RNLS: variants seen among roughly 807,000 people sequenced by gnomAD.
RNLS encodes the protein renalase, FAD dependent amine oxidase, also known as renalase.
Under a neutral mutation model 39.8 loss-of-function variants are expected in RNLS, and 39 were observed. The observed-to-expected ratio is 0.98, with a 90% CI of 0.76 to 1.28. RNLS has a LOEUF of 1.28. Among genes scored for constraint, RNLS ranks in the 50% most tolerant of loss-of-function variants. The pLI is 0.00. For missense variants in RNLS, 410 were observed against 413.3 expected (o/e 0.99, Z 0.07); for synonymous variants, 147 against 150.7 (o/e 0.98, Z 0.18).
At chr10:88,364,925 T>C (rs963342075) in intron 4 of RNLS, among the ~76,000 whole-genome samples, 1 of 152,126 alleles carries the variant, frequency 6.6e-6, no homozygotes, top group African/African-American at 2.4e-5. Flanking sequence ...AAAACAAAAC[T>C]GTGTAGTTAG....
intron 5 of RNLS, among the ~76,000 whole-genome samples, chr10:88,317,918 C>G (rs888687751): frequency 2.0e-5 from 3 of 152,226 alleles, no homozygotes; most frequent in African/African-American, 7.2e-5. Flanking sequence ...GCTCCCTTCA[C>G]CCCTGCAACA....
the RNLS span, among the ~76,000 whole-genome samples, chr10:88,203,787 TTA>T: frequency 4.0e-5 from 6 of 151,364 alleles, no homozygotes; most frequent in Non-Finnish European, 5.9e-5. Context: ...AATATTATAA[TTA>T]TATTAACTGT....
In RNLS at chr10:88,582,338, T is replaced by C. The variant is rs993036613; in HGVS notation, c.119-31A>G. 5 of 1,553,028 alleles carry C rather than the reference T, an allele frequency of 3.2e-6. No homozygotes were observed. The African/African-American group carries it at 5.4e-5, about 17-fold the overall frequency. ...ATTAATCCACAGGAAAATGTCTTAC[T>C]GCATGACAATGAGCCTTAGCAATTA... On this transcript the variant is annotated intron_variant, in intron 1 of 6. Transcript: ENST00000331772.
intron 4 of RNLS, among the ~76,000 whole-genome samples, chr10:88,481,553 T>G (rs977534850): frequency 3.3e-5 from 5 of 152,164 alleles, no homozygotes; most frequent in Non-Finnish European, 5.9e-5. Context: ...AATAAATAAT[T>G]GTCGTGAAAC....
At chr10:88,264,026 C>G in the RNLS span, among the ~76,000 whole-genome samples, 4 of 152,166 alleles carry the variant, frequency 2.6e-5, no homozygotes, top group African/African-American at 7.2e-5. Flanking sequence ...TATGACTTTG[C>G]ATCCTCATAG....
chr10:88,176,123 T>C, the RNLS span, among the ~76,000 whole-genome samples: 2 of 152,186 alleles, frequency 1.3e-5, no homozygotes, highest in Non-Finnish European at 2.9e-5. Flanking sequence ...CTTGTAGGCA[T>C]CATATAGTTA....
intron 4 of RNLS, among the ~76,000 whole-genome samples, chr10:88,556,243 C>A (rs73357264): frequency 5.3e-4 from 81 of 152,242 alleles, no homozygotes; most frequent in African/African-American, 1.8e-3. Flanking sequence ...ATCCTGGCAG[C>A]CATACTTTTG....
At chr10:88,365,023 C>T (rs1389843713) in intron 4 of RNLS, among the ~76,000 whole-genome samples, 2 of 152,042 alleles carry the variant, frequency 1.3e-5, no homozygotes, top group Non-Finnish European at 2.9e-5. Flanking sequence ...TTGGTCCTCT[C>T]CCCACCCCCC....
chr10:88,324,566 G>A (rs549305175), intron 5 of RNLS, among the ~76,000 whole-genome samples: 23 of 152,202 alleles, frequency 1.5e-4, no homozygotes, highest in Non-Finnish European at 3.1e-4. Flanking sequence ...CTCCAGAAAG[G>A]GTAAGGATGG....
chr10:88,470,155 C>G (rs1843436440), intron 4 of RNLS, among the ~76,000 whole-genome samples: 1 of 151,686 alleles, frequency 6.6e-6, no homozygotes, highest in Non-Finnish European at 1.5e-5. Context: ...AATTTCAGTT[C>G]TCCATTACAT....
At chr10:88,458,458 T>C (rs1842757734) in intron 4 of RNLS, among the ~76,000 whole-genome samples, 1 of 152,042 alleles carries the variant, frequency 6.6e-6, no homozygotes, top group Non-Finnish European at 1.5e-5. Flanking sequence ...CCACCCAATC[T>C]CTCTGAAGAA....
the RNLS span, among the ~76,000 whole-genome samples, chr10:88,221,160 TC>T: frequency 2.0e-5 from 3 of 152,180 alleles, no homozygotes; most frequent in South Asian, 2.1e-4. Context: ...CCCTCGGGGC[TC>T]ACATCTTGAA....
chr10:88,222,447 G>T, the RNLS span, among the ~76,000 whole-genome samples: 1 of 152,024 alleles, frequency 6.6e-6, no homozygotes, highest in Non-Finnish European at 1.5e-5. Flanking sequence ...CAACTAATAG[G>T]CTGTTTACCC....
At chr10:88,283,424 C>G (rs553166346), downstream of RNLS, among the ~76,000 whole-genome samples, 3 of 152,072 alleles carry the variant, frequency 2.0e-5, no homozygotes, top group Non-Finnish European at 2.9e-5. Flanking sequence ...CCCTCCCCCT[C>G]CTTTGGAGGA....
intron 4 of RNLS, among the ~76,000 whole-genome samples, chr10:88,458,451 C>T (rs1450875159): frequency 6.6e-6 from 1 of 152,206 alleles, no homozygotes; most frequent in African/African-American, 2.4e-5. Flanking sequence ...TTCACACCCA[C>T]CCAATCTCTC....
the RNLS span, among the ~76,000 whole-genome samples, chr10:88,227,031 A>G: frequency 6.6e-6 from 1 of 152,234 alleles, no homozygotes; most frequent in Non-Finnish European, 1.5e-5. Context: ...AAGTTTTAGT[A>G]GAACACAATC....
intron 4 of RNLS, among the ~76,000 whole-genome samples, chr10:88,451,980 T>C (rs923270886): frequency 2.6e-5 from 4 of 152,208 alleles, no homozygotes; most frequent in Non-Finnish European, 5.9e-5. Context: ...GCAAGTTGCC[T>C]AACTAGAAGG....
At chr10:88,550,355 A>G (rs537259055) in intron 4 of RNLS, among the ~76,000 whole-genome samples, 108 of 152,310 alleles carry the variant, frequency 7.1e-4, no homozygotes, top group Non-Finnish European at 1.4e-3. Flanking sequence ...AGTTGAGGCC[A>G]CAGAAGAGTA....
chr10:88,466,902 A>G lies in RNLS; in HGVS notation c.527-104177T>C, dbSNP rs189110397. Among the ~76,000 whole-genome samples, 330 of 152,306 alleles carry G rather than the reference A, an allele frequency of 2.2e-3. 1 individual carries two copies. Among genetic ancestry groups the G allele is most frequent in the African/African-American group, 7.6e-3 (317 of 41,576 alleles). ...ATTTCACTTGCTCAATGAAAAATAA[A>G]AAAACCTTCTTTTATTTTTAAAACC... is the stretch of plus-strand genomic sequence containing the variant. On this transcript the variant is annotated intron_variant, in intron 4 of 6. Transcript: ENST00000331772.
Sources: gnomAD v4.1 joint callset for allele counts (sites outside exome capture counted in the v4.1 genomes callset) on GRCh38, gnomAD v4.1.1 for gene constraint, MANE v1.5 for transcripts, NCBI Gene and HGNC (gene_info 2026-07-23, HGNC 2026-07-21) for gene names.